KCNMA1: variants seen among roughly 807,000 people sequenced by gnomAD.
The protein encoded by KCNMA1 is Calcium-activated potassium channel subunit alpha-1.
KCNMA1 carries 29 observed loss-of-function variants against 140.0 expected under a neutral mutation model. That is an observed-to-expected ratio of 0.21 (90% CI 0.15 to 0.28). The LOEUF is 0.28. Among genes scored for constraint, KCNMA1 ranks in the 10% least tolerant of loss-of-function variants. KCNMA1 has a pLI of 1.00. For missense variants in KCNMA1, 880 were observed against 1,602.2 expected (o/e 0.55, Z 7.70); for synonymous variants, 612 against 611.9 (o/e 1.00, Z 0.00).
intron 14 of KCNMA1, among the ~76,000 whole-genome samples, chr10:77,058,433 C>T (rs1034890469): frequency 6.6e-6 from 1 of 152,040 alleles, no homozygotes; most frequent in Non-Finnish European, 1.5e-5. Context: ...TTATAGAACA[C>T]TCTGCCCAAC....
intron 2 of KCNMA1, among the ~76,000 whole-genome samples, chr10:77,312,705 A>G (rs976956343): frequency 6.6e-5 from 10 of 152,184 alleles, no homozygotes; most frequent in Non-Finnish European, 1.5e-4. Context: ...GGGAGTACTC[A>G]TTGTTGGAAG....
rs201541685 is a variant in KCNMA1, at chr10:76,885,386, A to G, written c.*1880T>C. On this transcript the variant is annotated 3_prime_UTR_variant, in exon 28 of 28. Transcript: ENST00000286628. ...ATGTATACAATTATTCCCCACCACA[A>G]TACTGGTTTGAATACTACGCTGCCC... 1.9e-5 allele frequency: 19 copies of G among 984,838 alleles called. No individual in the cohort carries two copies. Among genetic ancestry groups the G allele is most frequent in the African/African-American group, 5.3e-5 (3 of 57,112 alleles). The allele number at this position is 984,838 out of a possible 1,614,324, so 61.0% of individuals were successfully genotyped here.
At chr10:76,987,210 C>T (rs1181464315) in intron 19 of KCNMA1, among the ~76,000 whole-genome samples, 1 of 152,114 alleles carries the variant, frequency 6.6e-6, no homozygotes, top group East Asian at 1.9e-4. Context: ...GTCTTGGTTA[C>T]TGTGTGCAAT....
chr10:77,535,156 C>T (rs1347334765), intron 1 of KCNMA1, among the ~76,000 whole-genome samples: 1 of 152,160 alleles, frequency 6.6e-6, no homozygotes, highest in Non-Finnish European at 1.5e-5. Flanking sequence ...AGCAACCACA[C>T]ATCAGTTACT....
intron 1 of KCNMA1, among the ~76,000 whole-genome samples, chr10:77,537,367 G>A (rs2059139742): frequency 6.6e-6 from 1 of 152,124 alleles, no homozygotes; most frequent in Admixed American, 6.5e-5. Flanking sequence ...GAACCACATT[G>A]AGCCTACAGT....
At position 77,353,957 on chromosome 10, in the gene KCNMA1, C is replaced by T. The variant is rs867816236; in HGVS notation, c.540+49905G>A. Among the ~76,000 whole-genome samples, 30 of 107,070 alleles carry T rather than the reference C, an allele frequency of 2.8e-4. No homozygotes were observed. In the East Asian group the frequency reaches 7.5e-3, roughly 27 times the overall value. The allele number at this position is 107,070 out of a possible 152,430, so 70.2% of individuals were successfully genotyped here. A position where few individuals can be genotyped will look rare whatever the true frequency, so the allele number is the denominator to read the frequency against. ...CTGTTTTCTTCAACCCCATGGCATC[C>T]TGCCTCTTTTTTTGGGGGGGGGGGT... On this transcript the variant is annotated intron_variant, in intron 2 of 27. Coordinates refer to ENST00000286628, the MANE Select transcript of KCNMA1 (RefSeq NM_001161352.2).
chr10:77,482,733 G>A (rs2098412684), intron 1 of KCNMA1, among the ~76,000 whole-genome samples: 3 of 151,976 alleles, frequency 2.0e-5, no homozygotes, highest in Admixed American at 2.0e-4. Flanking sequence ...GCCTCAATCT[G>A]TTCTCCTCTG....
At chr10:77,426,539 C>T (rs1041278367) in intron 1 of KCNMA1, among the ~76,000 whole-genome samples, 4 of 152,152 alleles carry the variant, frequency 2.6e-5, no homozygotes, top group African/African-American at 2.4e-5. Flanking sequence ...CGCTAGAGTT[C>T]GTGTTAGTTA....
chr10:77,138,818 T>G (rs1195099715), intron 5 of KCNMA1, among the ~76,000 whole-genome samples: 1 of 152,170 alleles, frequency 6.6e-6, no homozygotes, highest in East Asian at 1.9e-4. Context: ...CTCTGAGTCT[T>G]CCCTTCTGTT....
chr10:77,448,156 A>G (rs7912940), intron 1 of KCNMA1, among the ~76,000 whole-genome samples: 8,047 of 152,132 alleles, frequency 0.053, 705 homozygotes, highest in African/African-American at 0.18. Context: ...GCTACTCAAA[A>G]AGTAGGACAA....
intron 1 of KCNMA1, among the ~76,000 whole-genome samples, chr10:77,406,266 A>G (rs1267052892): frequency 6.6e-6 from 1 of 152,066 alleles, no homozygotes; most frequent in Non-Finnish European, 1.5e-5. Context: ...CAACCATGGT[A>G]ACTGAAGGTG....
At chr10:77,099,052 G>A (rs879583735) in intron 9 of KCNMA1, among the ~76,000 whole-genome samples, 6 of 151,950 alleles carry the variant, frequency 3.9e-5, no homozygotes, top group Admixed American at 1.3e-4. Flanking sequence ...AAGCAGATTT[G>A]CCCGATTTCA....
intron 21 of KCNMA1, among the ~76,000 whole-genome samples, chr10:76,950,302 G>A (rs1027586853): frequency 6.6e-6 from 1 of 152,188 alleles, no homozygotes; most frequent in African/African-American, 2.4e-5. Flanking sequence ...TCAGAGAAAA[G>A]ATCTCCCCAA....
intron 16 of KCNMA1, chr10:77,025,335 T>G: frequency 1.5e-6 from 1 of 667,972 alleles, no homozygotes; most frequent in Non-Finnish European, 2.5e-6. Flanking sequence ...AGATTATATA[T>G]ACATATATAT....
In KCNMA1 at chr10:77,577,328, G is replaced by A. The variant is rs566021902; in HGVS notation, c.378+59937C>T. ...CTCCCAAAGTGCTGGGATTGCAGGC[G>A]TGAGCCACCACGCCCGGCTCACACT... On this transcript the variant is annotated intron_variant, in intron 1 of 27. Coordinates refer to ENST00000286628, the MANE Select transcript of KCNMA1 (RefSeq NM_001161352.2). 1.3e-4 allele frequency among the ~76,000 whole-genome samples: 20 copies of A among 152,186 alleles called. No homozygotes were observed. The East Asian group carries it at 2.7e-3, about 21-fold the overall frequency.
chr10:77,025,281 T>TACAC (rs1555137508), intron 16 of KCNMA1, among the ~76,000 whole-genome samples: 4 of 122,324 alleles, frequency 3.3e-5, no homozygotes, highest in Admixed American at 1.7e-4. Context: ...TATATATATA[T>TACAC]ACACACACAC....
At chr10:77,291,861 G>A (rs916155868) in intron 2 of KCNMA1, among the ~76,000 whole-genome samples, 10 of 152,194 alleles carry the variant, frequency 6.6e-5, no homozygotes, top group Non-Finnish European at 1.3e-4. Flanking sequence ...GGAGGCTCCA[G>A]TATGTTAGAT....
chr10:76,929,847 A>G (rs2058815530), intron 23 of KCNMA1: 1 of 152,236 alleles, frequency 6.6e-6, no homozygotes, highest in South Asian at 2.1e-4. Context: ...AAGGGCAACT[A>G]ATCTTTGACA....
chr10:77,482,238 G>T (rs1000462477), intron 1 of KCNMA1, among the ~76,000 whole-genome samples: 13 of 152,248 alleles, frequency 8.5e-5, no homozygotes, highest in Non-Finnish European at 1.5e-5. Context: ...GGAGGCCAGA[G>T]GCCGAGGCTC....
Sources: gnomAD v4.1 joint callset for allele counts (sites outside exome capture counted in the v4.1 genomes callset) on GRCh38, gnomAD v4.1.1 for gene constraint, MANE v1.5 for transcripts, NCBI Gene and HGNC (gene_info 2026-07-23, HGNC 2026-07-21) for gene names.